VPS26B: variants seen among roughly 807,000 people sequenced by gnomAD.
VPS26B encodes the protein VPS26 retromer complex component B, also known as vacuolar protein sorting-associated protein 26B.
In VPS26B, 10 loss-of-function variants were observed where a neutral mutation model predicts 33.3. That is an observed-to-expected ratio of 0.30 (90% CI 0.19 to 0.51). The LOEUF (loss-of-function observed/expected upper bound fraction) is 0.51. VPS26B is among the 20% of genes least tolerant of loss of function. VPS26B has a pLI of 0.98. For missense variants in VPS26B, 317 were observed against 452.7 expected, an observed-to-expected ratio of 0.70 and a Z score of 2.72; for synonymous variants, 190 against 176.9, an observed-to-expected ratio of 1.07 and a Z score of -0.59.
rs1565356423 is a variant in VPS26B at position 134,234,871 on chromosome 11, G to C, written c.224-26G>C. 6.2e-6 allele frequency: 10 copies of C among 1,608,392 alleles called. No individual in the cohort carries two copies. The South Asian group carries it at 1.0e-4, about 16-fold the overall frequency. ...TGTAGCTCAGGGTCTGATAAAGGAG[G>C]GCGTCGCATCGCTGTCTCTCACCAG... On this transcript the variant is annotated intron_variant, in intron 1 of 5. Coordinates refer to ENST00000281187, the MANE Select transcript of VPS26B (RefSeq NM_052875.5).
chr11:134,234,976 G>C lies in VPS26B; in HGVS notation c.303G>C (p.Gln101His). 6.2e-7 allele frequency: 1 copy of C among 1,614,186 alleles called. No homozygotes were observed. Among genetic ancestry groups the C allele is most frequent in the African/African-American group, 1.3e-5 (1 of 75,050 alleles). Reference protein sequence around the residue: ...KDLARPGEITQSQAFDFEFTH... With the variant: ...KDLARPGEITHSQAFDFEFTH... ...TGGCCCGGCCTGGAGAGATCACCCAGTCGCAGGCCTTCGACTTTGAGTTTA... is the reference window on the plus strand; with the variant it reads ...TGGCCCGGCCTGGAGAGATCACCCACTCGCAGGCCTTCGACTTTGAGTTTA... Residue 101 changes from glutamine (Q) to histidine (H), a missense_variant, in exon 2 of 6, where the codon CAG becomes CAC. Coordinates refer to ENST00000281187, the MANE Select transcript of VPS26B (RefSeq NM_052875.5).
At chr11:134,242,091 T>A (rs1938735251) in intron 3 of VPS26B, among the ~76,000 whole-genome samples, 1 of 152,236 alleles carries the variant, frequency 6.6e-6, no homozygotes, top group Admixed American at 6.5e-5. Context: ...ACATTTAGAA[T>A]ACAGGAATGT....
intron 1 of VPS26B, among the ~76,000 whole-genome samples, chr11:134,232,291 A>AT (rs1181243259): frequency 6.7e-6 from 1 of 149,920 alleles, no homozygotes; most frequent in African/African-American, 2.5e-5. Context: ...ACAGCCTTGG[A>AT]TTTTTGTTTT....
Position 134,240,682 on chromosome 11 carries a change from T to G in VPS26B, c.545+527T>G, listed in dbSNP as rs555533288. The stretch of plus-strand genomic sequence containing the variant: ...GCCCAGTCATGGCTTACTACAGCCT[T>G]GACCTCCTAGACTCAAGCATTTCTC... On this transcript the variant is annotated intron_variant, in intron 3 of 5. Transcript: ENST00000281187. The surrounding 1 kb of genome is among the most constrained non-coding windows in gnomAD (Gnocchi z 4.4). Among the ~76,000 whole-genome samples the G allele has an allele frequency of 6.6e-6, 1 of 152,160 alleles. No individual in the cohort carries two copies. Among genetic ancestry groups the G allele is most frequent in the African/African-American group, 2.4e-5 (1 of 41,456 alleles).
intron 3 of VPS26B, among the ~76,000 whole-genome samples, chr11:134,241,600 C>T (rs1938726300): frequency 6.6e-6 from 1 of 152,242 alleles, no homozygotes; most frequent in Non-Finnish European, 1.5e-5. Context: ...CACTACTGTC[C>T]TGACCATCTG....
chr11:134,235,077 C>G, intron 2 of VPS26B, 24 bp downstream of exon 2: 1 of 1,608,534 alleles, frequency 6.2e-7, no homozygotes, highest in Non-Finnish European at 8.5e-7. Context: ...GCTGGTTCCC[C>G]ACTGTACCCT....
Position 134,245,205 on chromosome 11 carries a change from A to C in VPS26B, c.864+125A>C. ...ACATTAGGTCGCCCACAATTGCACA[A>C]CAAGAATGAGGATTCTCACCTGGCC... On this transcript the variant is annotated intron_variant, in intron 5 of 5. Transcript: ENST00000281187. The surrounding 1 kb of genome is among the most constrained non-coding windows in gnomAD (Gnocchi z 4.7). The C allele has an allele frequency of 3.6e-6, 5 of 1,401,922 alleles. No homozygotes were observed. The highest frequency in any genetic ancestry group is 3.8e-6 in the Non-Finnish European group (4 of 1,051,440). The allele number at this position is 1,401,922 out of a possible 1,614,324, so 86.8% of individuals were successfully genotyped here.
Position 134,246,722 on chromosome 11 carries a change from C to T in VPS26B, c.*1132C>T, listed in dbSNP as rs369423434. Reference sequence around the variant, plus strand: ...CAGTTGACTGACCCAAGTTTAGGACCATTGGTATCGTGTGTTTAAAAAACA... The same window carrying T: ...CAGTTGACTGACCCAAGTTTAGGACTATTGGTATCGTGTGTTTAAAAAACA... On this transcript the variant is annotated 3_prime_UTR_variant, in exon 6 of 6. Transcript: ENST00000281187. 388 of 152,432 alleles carry T rather than the reference C, an allele frequency of 2.5e-3. 1 individual carries two copies. The highest frequency in any genetic ancestry group is 6.8e-3 in the Middle Eastern group (2 of 294). The allele number at this position is 152,432 out of a possible 1,614,324, so 9.4% of individuals were successfully genotyped here. A position where few individuals can be genotyped will look rare whatever the true frequency, so the allele number is the denominator to read the frequency against.
intron 1 of VPS26B, among the ~76,000 whole-genome samples, chr11:134,227,478 G>A (rs1938496852): frequency 6.6e-6 from 1 of 152,144 alleles, no homozygotes; most frequent in South Asian, 2.1e-4. Context: ...GCTGTTCTAG[G>A]AACCGTGTCA....
chr11:134,241,450 C>G (rs550015326), intron 3 of VPS26B, among the ~76,000 whole-genome samples: 20 of 152,346 alleles, frequency 1.3e-4, no homozygotes, highest in Admixed American at 1.3e-3. Context: ...CTCGCCTAAG[C>G]CCACCAGTGA....
chr11:134,236,141 C>G (rs1938628756), intron 2 of VPS26B, among the ~76,000 whole-genome samples: 1 of 151,732 alleles, frequency 6.6e-6, no homozygotes, highest in Non-Finnish European at 1.5e-5. Flanking sequence ...GAGACCCTAT[C>G]TCTACGAAAA....
At chr11:134,234,819 C>G in intron 1 of VPS26B, 78 bp from the exon 2 acceptor site, 1 of 1,546,142 alleles carries the variant, frequency 6.5e-7, no homozygotes, top group Non-Finnish European at 8.8e-7. Context: ...CTCCAGCCTA[C>G]AGCCTCCAGC....
intron 2 of VPS26B, among the ~76,000 whole-genome samples, chr11:134,237,416 A>G (rs920000695): frequency 1.3e-5 from 2 of 152,210 alleles, no homozygotes; most frequent in African/African-American, 2.4e-5. Flanking sequence ...AATGATCTGG[A>G]GATAAGGTGA....
Position 134,240,049 on chromosome 11 carries a change from A to G in VPS26B, c.439A>G (p.Ile147Val), listed in dbSNP as rs372253863. The G allele has an allele frequency of 1.8e-5, 29 of 1,614,066 alleles. No homozygotes were observed. In the East Asian group the frequency reaches 2.7e-4, roughly 15 times the overall value. The part of the protein sequence containing the change: ...RLNDVVKEMD[I>V]VVHTLSTYPE... ...CAATGATGTTGTCAAAGAGATGGAC[A>G]TTGTAGTTCACACACTCAGCACATA... The change falls in exon 3 of 6, where the codon ATT becomes GTT. Residue 147 changes from isoleucine to valine, a missense_variant. Transcript: ENST00000281187. This position sits in a 1 kb window ranked among gnomAD's most constrained non-coding sequence, Gnocchi z 4.4.
At chr11:134,234,773 T>A in intron 1 of VPS26B, 124 bp from the exon 2 acceptor site, 2 of 1,156,486 alleles carry the variant, frequency 1.7e-6, no homozygotes, top group African/African-American at 1.6e-5. Context: ...CTAGAAGGGG[T>A]CTGTTCTGCA....
Position 134,246,663 on chromosome 11 carries a change from G to C in VPS26B, c.*1073G>C, listed in dbSNP as rs1039868019. 6.6e-6 allele frequency: 1 copy of C among 152,266 alleles called. No individual in the cohort carries two copies. Among genetic ancestry groups the C allele is most frequent in the Non-Finnish European group, 1.5e-5 (1 of 68,028 alleles). The allele number at this position is 152,266 out of a possible 1,614,324, so 9.4% of individuals were successfully genotyped here. Reference sequence around the variant, plus strand: ...GGCAGAAGACTGCTGCCACACTTCCGAATCATTCTGCTTGCCAAATAGGTC... The same window carrying C: ...GGCAGAAGACTGCTGCCACACTTCCCAATCATTCTGCTTGCCAAATAGGTC... On this transcript the variant is annotated 3_prime_UTR_variant, in exon 6 of 6. Transcript: ENST00000281187.
intron 1 of VPS26B, among the ~76,000 whole-genome samples, chr11:134,229,063 TCCGTCAC>T (rs1275326019): frequency 6.6e-6 from 1 of 152,186 alleles, no homozygotes; most frequent in African/African-American, 2.4e-5. Context: ...ATGGTCTCAC[TCCGTCAC>T]CCAGGCTAGA....
chr11:134,225,642 A>G (rs1340293955), intron 1 of VPS26B, among the ~76,000 whole-genome samples: 2 of 152,208 alleles, frequency 1.3e-5, no homozygotes, highest in Non-Finnish European at 2.9e-5. Context: ...TGTCTCCGGC[A>G]TGCACTCGGC....
intron 1 of VPS26B, among the ~76,000 whole-genome samples, chr11:134,227,535 C>G (rs1205417449): frequency 6.6e-6 from 1 of 152,190 alleles, no homozygotes; most frequent in Non-Finnish European, 1.5e-5. Context: ...AAACTGCTTG[C>G]TGTTCCTGCC....
Sources: gnomAD v4.1 joint callset for allele counts (sites outside exome capture counted in the v4.1 genomes callset) on GRCh38, gnomAD v4.1.1 for gene constraint, Gnocchi (gnomAD v3.1) non-coding constraint, MANE v1.5 for transcripts, NCBI Gene and HGNC (gene_info 2026-07-23, HGNC 2026-07-21) for gene names.